The following APBB2 variants were observed in gnomAD, a reference collection of about 807,000 sequenced individuals.
APBB2 encodes Fe65-like 1.
In APBB2, 38 loss-of-function variants were observed where a neutral mutation model predicts 82.5. That is an observed-to-expected ratio of 0.46 (90% CI 0.36 to 0.60). APBB2 has a LOEUF of 0.60. Ranked by LOEUF, APBB2 falls within the 20% of genes least tolerant of loss-of-function variation. The pLI, the probability that APBB2 is intolerant of heterozygous loss-of-function variation, is 0.00. For missense variants in APBB2, 772 were observed against 972.3 expected, an observed-to-expected ratio of 0.79 and a Z score of 2.74; for synonymous variants, 341 against 368.2, an observed-to-expected ratio of 0.93 and a Z score of 0.85.
chr4:41,189,637 T>G (rs904816180), intron 1 of APBB2, among the ~76,000 whole-genome samples: 1 of 152,136 alleles, frequency 6.6e-6, no homozygotes, highest in Admixed American at 6.5e-5. Flanking sequence ...CTCAACAAAT[T>G]AAAGTCCTCA....
intron 7 of APBB2, among the ~76,000 whole-genome samples, chr4:40,937,938 G>A (rs138266422): frequency 6.4e-4 from 97 of 152,314 alleles, no homozygotes; most frequent in African/African-American, 2.3e-3. Context: ...AGATTCTTTG[G>A]TTCTACAGAA....
chr4:41,126,428 A>AATG (rs1754415864), intron 2 of APBB2, among the ~76,000 whole-genome samples: 1 of 152,234 alleles, frequency 6.6e-6, no homozygotes, highest in Middle Eastern at 3.4e-3. Flanking sequence ...ATCAGAAATG[A>AATG]ATGACTAATG....
chr4:40,823,729 T>C lies in APBB2; in HGVS notation c.1847A>G (p.Asn616Ser), dbSNP rs1213448747. The change falls in exon 16 of 18, where the codon AAT becomes AGT. Residue 616 changes from asparagine (N) to serine (S), a missense_variant. By Grantham distance (46) the Asn-to-Ser change is conservative (BLOSUM62 1). Transcript: ENST00000508593. ...CTCCTTGTTGGATGAGGTCATAAGA[T>C]TTTCTATGGCACTGTTCAAAATATC... is the stretch of plus-strand genomic sequence containing the variant. The part of the protein sequence containing the change: ...GMDILNSAIE[N>S]LMTSSNKEDW... 6.2e-7 allele frequency: 1 copy of C among 1,613,596 alleles called. No homozygotes were observed. Among genetic ancestry groups the C allele is most frequent in the African/African-American group, 1.3e-5 (1 of 74,922 alleles).
intron 12 of APBB2, among the ~76,000 whole-genome samples, chr4:40,831,555 G>T (rs893058086): frequency 1.3e-5 from 2 of 152,162 alleles, no homozygotes; most frequent in Non-Finnish European, 2.9e-5. Flanking sequence ...CTTGAGGAGC[G>T]CATGAATCGC....
At chr4:40,839,259 T>C (rs997711678) in intron 12 of APBB2, among the ~76,000 whole-genome samples, 1 of 151,978 alleles carries the variant, frequency 6.6e-6, no homozygotes, top group Non-Finnish European at 1.5e-5. Flanking sequence ...ATATTTTTTC[T>C]AAATGATGAA....
At chr4:41,146,922 T>C (rs1167951084) in intron 1 of APBB2, among the ~76,000 whole-genome samples, 4 of 152,160 alleles carry the variant, frequency 2.6e-5, no homozygotes, top group Non-Finnish European at 5.9e-5. Context: ...ACAAACACAA[T>C]GGCTCTGTCC....
chr4:40,851,732 A>ATG (rs1176193029), intron 12 of APBB2, among the ~76,000 whole-genome samples: 1 of 32,740 alleles, frequency 3.1e-5, no homozygotes, highest in African/African-American at 1.2e-4. Context: ...ATATATATAT[A>ATG]TATATATTTT....
In APBB2 at chr4:41,009,216, G is replaced by T. The variant is rs78763923; in HGVS notation, c.835+4367C>A. ...TGCTTACTACCTGGGGCCACTGAGG[G>T]AACTGTATCTTTGAAAAAAACCCTA... On this transcript the variant is annotated intron_variant, in intron 6 of 17. Transcript: ENST00000508593. Among the ~76,000 whole-genome samples, 244 of 140,066 alleles carry T rather than the reference G, an allele frequency of 1.7e-3. 5 individuals are homozygous for T. The East Asian group carries it at 0.036, about 21-fold the overall frequency. 91.9% of individuals were successfully genotyped at this position (140,066 alleles called of 152,430 possible).
intron 6 of APBB2, among the ~76,000 whole-genome samples, chr4:40,979,783 G>C (rs1189766798): frequency 1.3e-5 from 2 of 152,178 alleles, no homozygotes; most frequent in African/African-American, 4.8e-5. Flanking sequence ...GCTTGGAAGA[G>C]GACCCCATGT....
chr4:40,890,547 CG>C, intron 11 of APBB2, 56 bp from the exon 12 acceptor site: 2 of 1,598,118 alleles, frequency 1.3e-6, no homozygotes, highest in Non-Finnish European at 1.7e-6. Context: ...AAAGCCTAAT[CG>C]TGTGTGTGGC....
intron 7 of APBB2, among the ~76,000 whole-genome samples, chr4:40,938,208 G>C (rs916031222): frequency 6.6e-6 from 1 of 152,178 alleles, no homozygotes; most frequent in Non-Finnish European, 1.5e-5. Flanking sequence ...AGTCATAGCT[G>C]GGACACCCTC....
At chr4:41,179,164 T>C (rs771815383) in intron 1 of APBB2, among the ~76,000 whole-genome samples, 12 of 152,238 alleles carry the variant, frequency 7.9e-5, no homozygotes, top group Non-Finnish European at 1.2e-4. Flanking sequence ...CCAAGTGTCA[T>C]ACAGTGTGAG....
Position 41,207,350 on chromosome 4 carries a change from C to T in APBB2, c.-417+7055G>A, listed in dbSNP as rs116254895. ...TGAAGCTTCCTCCAGCAATTCAAGGCTCACCCTGGAGGGAATGATACTGCA... is the reference window on the plus strand; with the variant it reads ...TGAAGCTTCCTCCAGCAATTCAAGGTTCACCCTGGAGGGAATGATACTGCA... On this transcript the variant is annotated intron_variant, in intron 1 of 17. Transcript: ENST00000508593. 2.0e-3 allele frequency among the ~76,000 whole-genome samples: 307 copies of T among 152,232 alleles called. 1 individual carries two copies. The highest frequency in any genetic ancestry group is 7.0e-3 in the African/African-American group (292 of 41,518).
At position 40,827,206 on chromosome 4, in the gene APBB2, C is replaced by T. The variant is rs1750236218; in HGVS notation, c.1658G>A (p.Arg553Gln). ...GCAGGCCAGCGCTTTGGCATTCTTC[C>T]GTTCAGCCATAATCTAAGGGGGAAA... The part of the protein sequence containing the change: ...HEICSKIMAE[R>Q]KNAKALACSS... Residue 553 changes from arginine (R) to glutamine (Q), a missense_variant, in exon 14 of 18, where the codon CGG becomes CAG. By Grantham distance (43) the Arg-to-Gln change is conservative. Transcript: ENST00000508593. The T allele has an allele frequency of 1.9e-6, 3 of 1,614,176 alleles. No individual in the cohort carries two copies. Among genetic ancestry groups the T allele is most frequent in the South Asian group, 1.1e-5 (1 of 91,082 alleles).
At chr4:40,956,064 A>G (rs6841927) in intron 6 of APBB2, among the ~76,000 whole-genome samples, 12,699 of 152,120 alleles carry the variant, frequency 0.083, 567 homozygotes, top group Middle Eastern at 0.13. Context: ...GTGAGCCACC[A>G]CACCTAGCCC....
intron 2 of APBB2, among the ~76,000 whole-genome samples, chr4:41,130,123 C>A (rs763071027): frequency 6.6e-6 from 1 of 152,206 alleles, no homozygotes; most frequent in Non-Finnish European, 1.5e-5. Context: ...AATCTGCCCA[C>A]TGTGTTCAAA....
chr4:40,989,468 G>C (rs1801406782), intron 6 of APBB2, among the ~76,000 whole-genome samples: 1 of 152,178 alleles, frequency 6.6e-6, no homozygotes, highest in Admixed American at 6.5e-5. Flanking sequence ...GTGCAGATGA[G>C]CTTAGAGGAA....
At chr4:41,198,284 A>G in intron 1 of APBB2, among the ~76,000 whole-genome samples, 2 of 152,188 alleles carry the variant, frequency 1.3e-5, no homozygotes, top group South Asian at 4.1e-4. Flanking sequence ...CGCCTGATGG[A>G]TCTAGGAAAG....
In APBB2 at chr4:40,972,811, A is replaced by G. The variant is rs998354990; in HGVS notation, c.836-27738T>C. Among the ~76,000 whole-genome samples the G allele has an allele frequency of 2.0e-5, 3 of 152,244 alleles. No individual in the cohort carries two copies. In the East Asian group the frequency reaches 5.8e-4, roughly 29 times the overall value. ...TTGGTGACATTAGACTATTAGCTCAATGAAGGCAAAGGATAGAGTCAATTT... is the reference window on the plus strand; with the variant it reads ...TTGGTGACATTAGACTATTAGCTCAGTGAAGGCAAAGGATAGAGTCAATTT... On this transcript the variant is annotated intron_variant, in intron 6 of 17. Transcript: ENST00000508593.
Sources: allele counts gnomAD v4.1 joint callset (sites outside exome capture counted in the v4.1 genomes callset), GRCh38; gene constraint gnomAD v4.1.1; transcripts MANE v1.5; gene names NCBI Gene and HGNC (gene_info 2026-07-23, HGNC 2026-07-21).